Variants in PALMD observed in about 807,000 individuals in gnomAD.
PALMD encodes the protein palmdelphin.
PALMD carries 42 observed loss-of-function variants against 56.2 expected under a neutral mutation model. That is an observed-to-expected ratio of 0.75 (90% CI 0.58 to 0.97). The LOEUF is 0.97. PALMD is among the 50% of genes least tolerant of loss of function. PALMD has a pLI of 0.00. For missense variants in PALMD, 660 were observed against 643.8 expected, an observed-to-expected ratio of 1.03 and a Z score of -0.27; for synonymous variants, 242 against 222.9, an observed-to-expected ratio of 1.09 and a Z score of -0.76.
intron 5 of PALMD, 41 bp downstream of exon 5, chr1:99,687,004 T>C: frequency 6.5e-7 from 1 of 1,527,582 alleles, no homozygotes; most frequent in Non-Finnish European, 9.0e-7. Flanking sequence ...AACTAAGTTT[T>C]TTTGGTAATT....
intron 7 of PALMD, among the ~76,000 whole-genome samples, chr1:99,691,546 T>C (rs913528193): frequency 2.6e-5 from 4 of 152,218 alleles, no homozygotes; most frequent in South Asian, 2.1e-4. Flanking sequence ...TGTTTTACAT[T>C]GCTGTTTTCC....
rs11166298 is a variant in PALMD, at chr1:99,689,643, G to C, written c.1383G>C (p.Pro461=). The part of the protein sequence containing the change: ...EEEDEGEAEK[P]SYHPIAPHSQ... ...AGGATGAAGGAGAAGCAGAGAAACC[G>C]TCCTACCACCCCATAGCTCCCCATA... Residue 461 remains proline, a synonymous_variant, in exon 7 of 8, where the codon CCG becomes CCC. Coordinates refer to ENST00000263174, the MANE Select transcript of PALMD (RefSeq NM_017734.5). The C allele has an allele frequency of 1.2e-6, 2 of 1,613,466 alleles. No homozygotes were observed. The highest frequency in any genetic ancestry group is 2.2e-5 in the East Asian group (1 of 44,848).
At chr1:99,658,586 A>C (rs1453922399) in intron 1 of PALMD, among the ~76,000 whole-genome samples, 2 of 151,994 alleles carry the variant, frequency 1.3e-5, no homozygotes, top group Non-Finnish European at 2.9e-5. Flanking sequence ...CCTGACTAAC[A>C]CAGTGAAACC....
Position 99,689,777 on chromosome 1 carries a change from T to C in PALMD, c.1517T>C (p.Leu506Pro). 1 of 1,613,828 alleles carries C rather than the reference T, an allele frequency of 6.2e-7. No individual in the cohort carries two copies. Among genetic ancestry groups the C allele is most frequent in the Non-Finnish European group, 8.5e-7 (1 of 1,179,826 alleles). The change falls in exon 7 of 8, where the codon CTG becomes CCG. Residue 506 changes from leucine (L) to proline (P), a missense_variant. Physicochemically the swap from Leu to Pro is moderately conservative, Grantham distance 98. Coordinates refer to ENST00000263174, the MANE Select transcript of PALMD (RefSeq NM_017734.5). ...TCCCCCCACAAAAATTCCATATCTC[T>C]GAAAGAGCAAGAAGAAAGCTTAGGC... Reference protein sequence around the residue: ...HKSPHKNSISLKEQEESLGSP... With the variant: ...HKSPHKNSISPKEQEESLGSP...
In PALMD at chr1:99,683,467, A is replaced by G. The variant is rs774950994; in HGVS notation, c.252-3209A>G. 2.0e-5 allele frequency: 3 copies of G among 152,158 alleles called. No homozygotes were observed. The East Asian group carries it at 5.8e-4, about 29-fold the overall frequency. 9.4% of individuals were successfully genotyped at this position (152,158 alleles called of 1,614,324 possible). A position where few individuals can be genotyped will look rare whatever the true frequency, so the allele number is the denominator to read the frequency against. On this transcript the variant is annotated intron_variant, in intron 3 of 7. Coordinates refer to ENST00000263174, the MANE Select transcript of PALMD (RefSeq NM_017734.5). The stretch of plus-strand genomic sequence containing the variant: ...CAGCCAATTGTATTGCATGTTTCCA[A>G]TTATTCAGGTCACAAACAGTGGAAT...
chr1:99,652,657 AAAG>A (rs2100853469), intron 1 of PALMD, among the ~76,000 whole-genome samples: 2 of 130,444 alleles, frequency 1.5e-5, no homozygotes, highest in South Asian at 5.0e-4. Flanking sequence ...AAAAGAAAGA[AAAG>A]AAAGGAAAGG....
chr1:99,646,448 CG>C, intron 1 of PALMD, 86 bp downstream of exon 1: 1 of 987,790 alleles, frequency 1.0e-6, no homozygotes, highest in Admixed American at 1.7e-5. Context: ...GCTGAGCCCT[CG>C]CAAGTGGAAA....
rs565093229 is a variant in PALMD at position 99,688,659 on chromosome 1, A to G, written c.515-116A>G. 9.0e-5 allele frequency: 59 copies of G among 658,840 alleles called. 1 individual carries two copies. In the South Asian group the frequency reaches 1.1e-3, roughly 13 times the overall value. 40.8% of individuals were successfully genotyped at this position (658,840 alleles called of 1,614,324 possible). ...ATCAGAAATTTAAAAAATAGACAACATCTCACATACAAGAACATGAAGGGT... is the reference window on the plus strand; with the variant it reads ...ATCAGAAATTTAAAAAATAGACAACGTCTCACATACAAGAACATGAAGGGT... On this transcript the variant is annotated intron_variant, in intron 6 of 7. Coordinates refer to ENST00000263174, the MANE Select transcript of PALMD (RefSeq NM_017734.5).
chr1:99,650,069 G>A (rs1042748887), intron 1 of PALMD, among the ~76,000 whole-genome samples: 1 of 152,090 alleles, frequency 6.6e-6, no homozygotes, highest in Non-Finnish European at 1.5e-5. Flanking sequence ...TGCATTGTAA[G>A]TTAAAATAGA....
chr1:99,675,155 A>G (rs2100866691), intron 3 of PALMD, among the ~76,000 whole-genome samples: 1 of 152,348 alleles, frequency 6.6e-6, no homozygotes, highest in African/African-American at 2.4e-5. Flanking sequence ...GGTATCAAAT[A>G]TGAACAGTTA....
chr1:99,660,026 G>T (rs1035308639), intron 1 of PALMD, among the ~76,000 whole-genome samples: 1 of 152,218 alleles, frequency 6.6e-6, no homozygotes, highest in Non-Finnish European at 1.5e-5. Context: ...ATGAGCAGGG[G>T]TGGGGAGGCA....
At chr1:99,673,816 C>T (rs1183590052) in intron 3 of PALMD, among the ~76,000 whole-genome samples, 1 of 152,106 alleles carries the variant, frequency 6.6e-6, no homozygotes, top group Admixed American at 6.5e-5. Flanking sequence ...TAGTACAACG[C>T]CTAGCACATA....
At chr1:99,664,593 A>G (rs1290313690) in intron 2 of PALMD, among the ~76,000 whole-genome samples, 3 of 152,194 alleles carry the variant, frequency 2.0e-5, no homozygotes, top group Admixed American at 6.5e-5. Context: ...AGTAGAGCAC[A>G]TTCTTCCAAG....
intron 1 of PALMD, among the ~76,000 whole-genome samples, chr1:99,659,830 G>C (rs1652808449): frequency 1.3e-5 from 2 of 152,102 alleles, no homozygotes; most frequent in Admixed American, 1.3e-4. Flanking sequence ...TACCTACCTA[G>C]ACTGATATAA....
chr1:99,662,506 T>G (rs759558489), intron 2 of PALMD, 107 bp downstream of exon 2: 2 of 700,698 alleles, frequency 2.9e-6, no homozygotes, highest in Non-Finnish European at 5.1e-6. Context: ...AATTTCAAGA[T>G]AGTTTGACTA....
At chr1:99,672,309 A>G (rs1653103972) in intron 3 of PALMD, among the ~76,000 whole-genome samples, 1 of 152,182 alleles carries the variant, frequency 6.6e-6, no homozygotes, top group South Asian at 2.1e-4. Context: ...GGGGAAGCCT[A>G]TATTGAACGT....
chr1:99,652,481 G>A (rs193158259), intron 1 of PALMD, among the ~76,000 whole-genome samples: 1 of 151,994 alleles, frequency 6.6e-6, no homozygotes, highest in African/African-American at 2.4e-5. Flanking sequence ...GTCTGCGCCT[G>A]TAATCCCAGC....
chr1:99,661,996 T>G (rs1652857412), intron 1 of PALMD, among the ~76,000 whole-genome samples: 1 of 152,196 alleles, frequency 6.6e-6, no homozygotes. Flanking sequence ...TTTCACAACT[T>G]GTCTCTTTAC....
intron 1 of PALMD, among the ~76,000 whole-genome samples, chr1:99,650,927 T>C (rs1024443929): frequency 2.0e-5 from 3 of 152,228 alleles, no homozygotes; most frequent in South Asian, 2.1e-4. Flanking sequence ...GTTTGGATCA[T>C]TGTATTATTT....
Sources: allele counts gnomAD v4.1 joint callset (sites outside exome capture counted in the v4.1 genomes callset), GRCh38; gene constraint gnomAD v4.1.1; transcripts MANE v1.5; gene names NCBI Gene and HGNC (gene_info 2026-07-23, HGNC 2026-07-21).